ZC3HAV1: variants seen among roughly 807,000 people sequenced by gnomAD.
ZC3HAV1 encodes zinc finger CCCH-type containing, antiviral 1, also known as zinc finger CCCH-type antiviral protein 1.
Under a neutral mutation model 86.6 loss-of-function variants are expected in ZC3HAV1, and 41 were observed. That is an observed-to-expected ratio of 0.47 (90% CI 0.37 to 0.61). ZC3HAV1 has a LOEUF of 0.61. ZC3HAV1 is among the 20% of genes least tolerant of loss of function. ZC3HAV1 has a pLI of 0.00. For missense variants in ZC3HAV1, 964 were observed against 1,141.1 expected (o/e 0.84, Z 2.24); for synonymous variants, 421 against 432.1 (o/e 0.97, Z 0.32).
Position 139,055,296 on chromosome 7 carries a change from C to A in ZC3HAV1, c.2097-1G>T. On this transcript the variant is annotated splice_acceptor_variant, in intron 9 of 12. Coordinates refer to ENST00000242351, the MANE Select transcript of ZC3HAV1 (RefSeq NM_020119.4). LOFTEE classifies it high-confidence loss of function. ...TGACGAGGTCTTTGCTGGCTGATGGCTACAAATAAAGAGAAAGAATTCACT... is the reference window on the plus strand; with the variant it reads ...TGACGAGGTCTTTGCTGGCTGATGGATACAAATAAAGAGAAAGAATTCACT... 1.9e-6 allele frequency: 3 copies of A among 1,610,696 alleles called. No homozygotes were observed. Among genetic ancestry groups the A allele is most frequent in the Non-Finnish European group, 2.5e-6 (3 of 1,177,686 alleles).
At chr7:139,059,762 A>T (rs948398956) in intron 9 of ZC3HAV1, among the ~76,000 whole-genome samples, 1 of 152,234 alleles carries the variant, frequency 6.6e-6, no homozygotes, top group Non-Finnish European at 1.5e-5. Context: ...GGTTGGAATT[A>T]TGAATTAGAA....
In ZC3HAV1 at chr7:139,053,717, G is replaced by T. The variant is rs1244648849; in HGVS notation, c.2319-136C>A. 5.8e-6 allele frequency: 7 copies of T among 1,205,552 alleles called. No homozygotes were observed. The African/African-American group carries it at 1.1e-4, about 19-fold the overall frequency. The allele number at this position is 1,205,552 out of a possible 1,614,324, so 74.7% of individuals were successfully genotyped here. A position where few individuals can be genotyped will look rare whatever the true frequency, so the allele number is the denominator to read the frequency against. ...TCACAACGGAGCTACTAACTTTAAG[G>T]CAGCAGCTGTACAATAATAAATTTA... On this transcript the variant is annotated intron_variant, in intron 11 of 12. Coordinates refer to ENST00000242351, the MANE Select transcript of ZC3HAV1 (RefSeq NM_020119.4).
chr7:139,106,717 A>C (rs895207048), intron 1 of ZC3HAV1, among the ~76,000 whole-genome samples: 23 of 152,320 alleles, frequency 1.5e-4, no homozygotes, highest in African/African-American at 5.0e-4. Context: ...CCAACTGGAC[A>C]ATAGATGATA....
At chr7:139,105,150 G>A (rs1299260791) in intron 1 of ZC3HAV1, among the ~76,000 whole-genome samples, 1 of 151,982 alleles carries the variant, frequency 6.6e-6, no homozygotes, top group Non-Finnish European at 1.5e-5. Context: ...GGAATTCGAA[G>A]TGGCAGTGAG....
chr7:139,066,378 C>T (rs1816608575), intron 7 of ZC3HAV1, among the ~76,000 whole-genome samples: 1 of 152,118 alleles, frequency 6.6e-6, no homozygotes, highest in African/African-American at 2.4e-5. Flanking sequence ...GAGAAAGGCC[C>T]GAGCTGGGTC....
In ZC3HAV1 at chr7:139,073,936, G is replaced by A. The variant is rs1816855627; in HGVS notation, c.1792C>T (p.Pro598Ser). The A allele has an allele frequency of 1.2e-6, 2 of 1,614,028 alleles. No homozygotes were observed. The highest frequency in any genetic ancestry group is 3.3e-5 in the Admixed American group (2 of 60,016). ...TTGGTGGTGAAGACAGAATTGGCTG[G>A]CTTGGTGACAGAAGAAGGAGTGGAG... The part of the protein sequence containing the change: ...RLSTPSSVTK[P>S]ANSVFTTKWI... The change falls in exon 7 of 13, where the codon CCA becomes TCA. Residue 598 changes from proline to serine, a missense_variant. By Grantham distance (74) the Pro-to-Ser change is moderately conservative. Transcript: ENST00000242351.
intron 9 of ZC3HAV1, among the ~76,000 whole-genome samples, chr7:139,058,586 G>C (rs1200704238): frequency 2.0e-5 from 3 of 152,212 alleles, no homozygotes; most frequent in Admixed American, 6.5e-5. Flanking sequence ...TTACAAGGTA[G>C]AAGTGGGTAA....
At position 139,053,680 on chromosome 7, in the gene ZC3HAV1, C is replaced by T. The variant is rs1186724553; in HGVS notation, c.2319-99G>A. On this transcript the variant is annotated intron_variant, in intron 11 of 12. Transcript: ENST00000242351. Reference sequence around the variant, plus strand: ...AAAGTCTAATCATCTAAAAATTTCACTCCATCAGCTTTCACAACGGAGCTA... The same window carrying T: ...AAAGTCTAATCATCTAAAAATTTCATTCCATCAGCTTTCACAACGGAGCTA... The T allele has an allele frequency of 4.2e-6, 6 of 1,437,558 alleles. No homozygotes were observed. In the East Asian group the frequency reaches 9.6e-5, roughly 23 times the overall value. 89.1% of individuals were successfully genotyped at this position (1,437,558 alleles called of 1,614,324 possible).
chr7:139,095,068 G>T (rs192963478), intron 1 of ZC3HAV1, among the ~76,000 whole-genome samples: 314 of 151,522 alleles, frequency 2.1e-3, no homozygotes, highest in Non-Finnish European at 3.5e-3. Flanking sequence ...ACCTAATAGG[G>T]TTGGCAAAAA....
At position 139,097,941 on chromosome 7, in the gene ZC3HAV1, C is replaced by T. The variant is rs188075535; in HGVS notation, c.309-8182G>A. On this transcript the variant is annotated intron_variant, in intron 1 of 12. Transcript: ENST00000242351. ...ATTTATCAAAACTCTTTAAACCATA[C>T]ACATTATTTACCTTTTTTTTTAAGA... is the stretch of plus-strand genomic sequence containing the variant. Among the ~76,000 whole-genome samples, 651 of 151,600 alleles carry T rather than the reference C, an allele frequency of 4.3e-3. 5 individuals are homozygous for T. Among genetic ancestry groups the T allele is most frequent in the African/African-American group, 0.015 (627 of 41,338 alleles).
chr7:139,068,125 T>G (rs1302011462), intron 7 of ZC3HAV1, among the ~76,000 whole-genome samples: 1 of 151,204 alleles, frequency 6.6e-6, no homozygotes, highest in Non-Finnish European at 1.5e-5. Flanking sequence ...AATGGTGTGA[T>G]ATCAGCTCAC....
intron 1 of ZC3HAV1, among the ~76,000 whole-genome samples, chr7:139,100,333 C>T (rs181892093): frequency 3.1e-4 from 47 of 151,888 alleles, no homozygotes; most frequent in African/African-American, 1.1e-3. Flanking sequence ...AGATCGAGAC[C>T]ACCCTAGCGA....
chr7:139,099,614 G>A (rs1393648268), intron 1 of ZC3HAV1, among the ~76,000 whole-genome samples: 1 of 152,134 alleles, frequency 6.6e-6, no homozygotes, highest in East Asian at 1.9e-4. Flanking sequence ...TTCCAATAGT[G>A]GTAACAGTTG....
Position 139,109,108 on chromosome 7 carries a change from C to T in ZC3HAV1, c.224G>A (p.Arg75His). 2 of 1,592,682 alleles carry T rather than the reference C, an allele frequency of 1.3e-6. No individual in the cohort carries two copies. Among genetic ancestry groups the T allele is most frequent in the Non-Finnish European group, 1.7e-6 (2 of 1,169,314 alleles). ...ATCGCAGGGTCTCTGGCAGTACTTG[C>T]GACGGCAGACCCGGGCTCGAGTGGT... Reference protein sequence around the residue: ...VATTRARVCRRKYCQRPCDNL... With the variant: ...VATTRARVCRHKYCQRPCDNL... The change falls in exon 1 of 13, where the codon CGC becomes CAC. Residue 75 changes from arginine (R) to histidine (H), a missense_variant. Physicochemically the swap from Arg to His is conservative, Grantham distance 29. Coordinates refer to ENST00000242351, the MANE Select transcript of ZC3HAV1 (RefSeq NM_020119.4).
chr7:139,052,360 C>G (rs1336875139), intron 12 of ZC3HAV1, among the ~76,000 whole-genome samples: 1 of 144,398 alleles, frequency 6.9e-6, no homozygotes, highest in African/African-American at 2.6e-5. Context: ...AATCCCAGCA[C>G]TTTGGGAGGC....
Position 139,062,420 on chromosome 7 carries a change from C to G in ZC3HAV1, c.1994-1282G>C, listed in dbSNP as rs1584844668. Among the ~76,000 whole-genome samples the G allele has an allele frequency of 2.0e-5, 3 of 152,356 alleles. No individual in the cohort carries two copies. In the South Asian group the frequency reaches 6.2e-4, roughly 32 times the overall value. Reference sequence around the variant, plus strand: ...AGCCTTAGCCTTAGTTCTTCCTCCTCCTGGAGCGCCCTCCTTCCCACAGGC... The same window carrying G: ...AGCCTTAGCCTTAGTTCTTCCTCCTGCTGGAGCGCCCTCCTTCCCACAGGC... On this transcript the variant is annotated intron_variant, in intron 8 of 12. Transcript: ENST00000242351.
At chr7:139,078,335 G>A (rs1487497078) in intron 5 of ZC3HAV1, among the ~76,000 whole-genome samples, 1 of 151,660 alleles carries the variant, frequency 6.6e-6, no homozygotes, top group African/African-American at 2.4e-5. Flanking sequence ...TTGCTGGTGG[G>A]AAAGAAAAAT....
intron 1 of ZC3HAV1, among the ~76,000 whole-genome samples, chr7:139,103,832 A>C (rs1287192067): frequency 6.6e-6 from 1 of 152,262 alleles, no homozygotes; most frequent in East Asian, 1.9e-4. Flanking sequence ...CTTGTGTAGC[A>C]ATATGAATAG....
Position 139,109,242 on chromosome 7 carries a change from G to T in ZC3HAV1, c.90C>A (p.Ile30=), listed in dbSNP as rs1217673578. 6.2e-7 allele frequency: 1 copy of T among 1,611,780 alleles called. No individual in the cohort carries two copies. Among genetic ancestry groups the T allele is most frequent in the Non-Finnish European group, 8.5e-7 (1 of 1,179,272 alleles). The change falls in exon 1 of 13, where the codon ATC becomes ATA. Residue 30 remains isoleucine, a synonymous_variant. Transcript: ENST00000242351. ...RMALDALLQE[I]ALSEPQLCEV... ...CACAGAGCTGCGGCTCAGACAGCGC[G>T]ATCTCCTGGAGCAGCGCGTCCAGGG...
Sources: allele counts gnomAD v4.1 joint callset (sites outside exome capture counted in the v4.1 genomes callset), GRCh38; gene constraint gnomAD v4.1.1; transcripts MANE v1.5; gene names NCBI Gene and HGNC (gene_info 2026-07-23, HGNC 2026-07-21).